PPP2R3B: variants seen among roughly 807,000 people sequenced by gnomAD.
The protein encoded by PPP2R3B is protein phosphatase 2 regulatory subunit B''beta, also known as serine/threonine-protein phosphatase 2A regulatory subunit B'' subunit beta.
Under a neutral mutation model 72.9 loss-of-function variants are expected in PPP2R3B, and 68 were observed. The observed-to-expected ratio is 0.93, with a 90% CI of 0.77 to 1.14. PPP2R3B has a LOEUF of 1.14. PPP2R3B is among the 50% of genes most tolerant of loss of function. PPP2R3B has a pLI of 0.00. For synonymous variants in PPP2R3B, 466 were observed against 375.8 expected, an observed-to-expected ratio of 1.24 and a Z score of -2.78; for missense variants, 1,018 against 842.0, an observed-to-expected ratio of 1.21 and a Z score of -2.59.
intron 12 of PPP2R3B, chrX:337,379 CAGA>C (rs1420632974): frequency 6.6e-6 from 1 of 152,258 alleles, no homozygotes; most frequent in Non-Finnish European, 1.5e-5. Flanking sequence ...CGCGCCCGGC[CAGA>C]AGGAGCCTAT....
chrX:340,993 A>AG, intron 9 of PPP2R3B, 53 bp from the exon 10 acceptor site: 1 of 1,576,494 alleles, frequency 6.3e-7, no homozygotes, highest in Non-Finnish European at 8.6e-7. Flanking sequence ...CCAGCCCGTG[A>AG]CCTGCAGCCC....
intron 1 of PPP2R3B, among the ~76,000 whole-genome samples, chrX:384,280 C>CTA (rs202088659): frequency 0.017 from 2,505 of 146,160 alleles, 28 homozygotes; most frequent in Non-Finnish European, 0.022. Context: ...CTCTCTCTCT[C>CTA]TCTATATATA....
chrX:342,023 C>A, intron 7 of PPP2R3B, 92 bp from the exon 8 acceptor site: 1 of 1,507,986 alleles, frequency 6.6e-7, no homozygotes, highest in South Asian at 1.1e-5. Flanking sequence ...CGGTGGGGAC[C>A]GAAAAGCTGA....
At chrX:341,519 C>CCTCCTGCCCCT (rs1455251387) in intron 8 of PPP2R3B, 123 bp from the exon 9 acceptor site, 9 of 892,824 alleles carry the variant, frequency 1.0e-5, no homozygotes, top group Non-Finnish European at 1.6e-5. Flanking sequence ...CTCCTGCCCC[C>CCTCCTGCCCCT]CTCCTGCCCC....
In PPP2R3B at chrX:334,140, G is replaced by T. The variant is rs1048345277; in HGVS notation, c.*227C>A. 4.6e-6 allele frequency: 2 copies of T among 432,668 alleles called. No homozygotes were observed. The highest frequency in any genetic ancestry group is 7.9e-6 in the Non-Finnish European group (2 of 253,852). 26.8% of individuals were successfully genotyped at this position (432,668 alleles called of 1,614,324 possible). A position where few individuals can be genotyped will look rare whatever the true frequency, so the allele number is the denominator to read the frequency against. On this transcript the variant is annotated 3_prime_UTR_variant, in exon 13 of 13. Coordinates refer to ENST00000390665, the MANE Select transcript of PPP2R3B (RefSeq NM_013239.5). ...GGCAAGCGCCAGAGGGTGTCCGTGT[G>T]GGAACCCGTCCCATTCACGCGCGGC...
chrX:338,579 C>G, intron 12 of PPP2R3B, 25 bp downstream of exon 12: 4 of 1,560,430 alleles, frequency 2.6e-6, no homozygotes, highest in Non-Finnish European at 3.5e-6. Context: ...ACCCGTCCCC[C>G]CACTCACCCG....
intron 1 of PPP2R3B, among the ~76,000 whole-genome samples, chrX:368,952 C>T (rs1169208936): frequency 6.6e-6 from 1 of 152,246 alleles, no homozygotes; most frequent in Non-Finnish European, 1.5e-5. Flanking sequence ...GAACAAACAA[C>T]ACAACCACCC....
chrX:345,331 AGACACG>A (rs2071176006), intron 7 of PPP2R3B, 179 bp downstream of exon 7: 1 of 875,676 alleles, frequency 1.1e-6, no homozygotes, highest in African/African-American at 1.7e-5. Flanking sequence ...GCGGGGACCC[AGACACG>A]GGGCAGCGAC....
intron 2 of PPP2R3B, among the ~76,000 whole-genome samples, chrX:360,447 T>A (rs1302026025): frequency 6.6e-6 from 1 of 152,128 alleles, no homozygotes; most frequent in African/African-American, 2.4e-5. Flanking sequence ...GGCAGGAGAA[T>A]CACTTGAACC....
intron 6 of PPP2R3B, 30 bp downstream of exon 6, chrX:346,144 G>A (rs1332775963): frequency 4.0e-6 from 6 of 1,515,634 alleles, no homozygotes; most frequent in Non-Finnish European, 8.8e-7. Flanking sequence ...GGACAAGGCA[G>A]GGGGCAGGGG....
intron 2 of PPP2R3B, among the ~76,000 whole-genome samples, chrX:358,949 G>T (rs1168743322): frequency 6.8e-6 from 1 of 146,528 alleles, no homozygotes; most frequent in African/African-American, 2.5e-5. Flanking sequence ...CGGGGGTAGG[G>T]GAGGGCGGGG....
chrX:363,235 CAGTGCATCTCCCCGAGCCCAT>C (rs1239068797), intron 1 of PPP2R3B, among the ~76,000 whole-genome samples: 63 of 142,840 alleles, frequency 4.4e-4, no homozygotes, highest in African/African-American at 1.7e-3. Context: ...CGCGATCCCA[CAGTGCATCTCCCCGAGCCCAT>C]GATCCCGCAG....
intron 1 of PPP2R3B, among the ~76,000 whole-genome samples, chrX:384,538 G>C (rs1423116845): frequency 1.3e-5 from 2 of 151,972 alleles, no homozygotes; most frequent in African/African-American, 2.4e-5. Context: ...CAAGTGATCT[G>C]CCTGCCTCCA....
At chrX:375,702 G>T (rs2071976259) in intron 1 of PPP2R3B, among the ~76,000 whole-genome samples, 2 of 152,212 alleles carry the variant, frequency 1.3e-5, no homozygotes, top group South Asian at 4.1e-4. Context: ...CAGATTGGGA[G>T]CCAACCTCCT....
rs1403111313 is a variant in PPP2R3B at position 343,687 on chromosome X, CCAACGGGAGGCGGGAGTGAGACCTCAG to C, written c.1037-1783_1037-1757del. Reference sequence around the variant, plus strand: ...AACGGGAGGCGGGAGGGAGACCTCGCCAACGGGAGGCGGGAGTGAGACCTCAGCAACGGGAGGCGGGAGTGAGACCTC... The same window carrying C: ...AACGGGAGGCGGGAGGGAGACCTCGCCAACGGGAGGCGGGAGTGAGACCTC... On this transcript the variant is annotated intron_variant, in intron 7 of 12. Transcript: ENST00000390665. Among the ~76,000 whole-genome samples the C allele has an allele frequency of 1.8e-4, 10 of 56,360 alleles. 1 individual carries two copies. Among genetic ancestry groups the C allele is most frequent in the African/African-American group, 1.0e-3 (9 of 8,682 alleles). The allele number at this position is 56,360 out of a possible 152,430, so 37.0% of individuals were successfully genotyped here.
At chrX:372,691 G>C (rs773746809) in intron 1 of PPP2R3B, among the ~76,000 whole-genome samples, 3 of 152,292 alleles carry the variant, frequency 2.0e-5, no homozygotes, top group African/African-American at 7.2e-5. Context: ...TGGGGTGGAG[G>C]CTCACGCCCC....
intron 2 of PPP2R3B, among the ~76,000 whole-genome samples, chrX:350,813 G>A (rs946400443): frequency 6.2e-4 from 94 of 152,322 alleles, no homozygotes; most frequent in Admixed American, 1.8e-3. Flanking sequence ...GTAAAGCCCC[G>A]TGGCCCGGCC....
chrX:372,112 C>T (rs2071879433), intron 1 of PPP2R3B, among the ~76,000 whole-genome samples: 2 of 152,184 alleles, frequency 1.3e-5, no homozygotes, highest in Admixed American at 6.5e-5. Context: ...GACTCTGCGA[C>T]CAGCGAGCCC....
rs747330208 is a variant in PPP2R3B, at chrX:356,340, C to T, written c.510+5065G>A. On this transcript the variant is annotated intron_variant, in intron 2 of 12. Coordinates refer to ENST00000390665, the MANE Select transcript of PPP2R3B (RefSeq NM_013239.5). ...AAGCGATTTTCCTGTCTCAGCCTCC[C>T]GAGTAGCTGGAATGACAGGTGCCCG... Among the ~76,000 whole-genome samples, 5 of 152,264 alleles carry T rather than the reference C, an allele frequency of 3.3e-5. No homozygotes were observed. In the East Asian group the frequency reaches 7.7e-4, roughly 24 times the overall value.
Sources: gnomAD v4.1 joint callset for allele counts (sites outside exome capture counted in the v4.1 genomes callset) on GRCh38, gnomAD v4.1.1 for gene constraint, MANE v1.5 for transcripts, NCBI Gene and HGNC (gene_info 2026-07-23, HGNC 2026-07-21) for gene names.